NCOR2: variants seen among roughly 807,000 people sequenced by gnomAD.
NCOR2 encodes CTG repeat protein 26.
Under a neutral mutation model 262.9 loss-of-function variants are expected in NCOR2, and 81 were observed. The observed-to-expected ratio is 0.31, with a 90% CI of 0.26 to 0.37. The LOEUF (loss-of-function observed/expected upper bound fraction) is 0.37, where lower values mean the gene tolerates loss of function less well. NCOR2 is among the 10% of genes least tolerant of loss of function. NCOR2 has a pLI of 1.00. For synonymous variants in NCOR2, 1,659 were observed against 1,559.3 expected, an observed-to-expected ratio of 1.06 and a Z score of -1.51; for missense variants, 3,385 against 3,621.4, an observed-to-expected ratio of 0.93 and a Z score of 1.68.
chr12:124,356,852 A>C (rs1471023540), intron 22 of NCOR2, 70 bp from the exon 25 acceptor site: 1 of 1,404,096 alleles, frequency 7.1e-7, no homozygotes, highest in Non-Finnish European at 9.3e-7. Context: ...GCCCTGGCTG[A>C]CCCTACACAA....
intron 1 of NCOR2, among the ~76,000 whole-genome samples, chr12:124,488,661 A>G (rs761350555): frequency 6.6e-6 from 1 of 152,206 alleles, no homozygotes; most frequent in Non-Finnish European, 1.5e-5. Context: ...TGGGCTGACA[A>G]TGACGCAGCT....
chr12:124,367,348 T>C (rs921434691), intron 20 of NCOR2, among the ~76,000 whole-genome samples: 13 of 152,226 alleles, frequency 8.5e-5, no homozygotes, highest in African/African-American at 3.1e-4. Context: ...GGTACCACTT[T>C]ATAGTTTACA....
At chr12:124,567,609 T>TGGCGGCGGCGGCGGCGGC (rs574345580), upstream of NCOR2, 5 of 143,938 alleles carry the variant, frequency 3.5e-5, no homozygotes, top group Admixed American at 6.8e-5. Flanking sequence ...GCGGCGGCGG[T>TGGCGGCGGCGGCGGCGGC]GGCGGCGGCG....
At chr12:124,336,717 C>CGTCTAT in intron 38 of NCOR2, 36 bp downstream of exon 40, 2 of 1,607,192 alleles carry the variant, frequency 1.2e-6, no homozygotes, top group Non-Finnish European at 1.7e-6. Context: ...ATGATAATCG[C>CGTCTAT]GTCTATGAAG....
chr12:124,394,067 C>T (rs994980751), intron 16 of NCOR2, among the ~76,000 whole-genome samples: 11 of 152,240 alleles, frequency 7.2e-5, no homozygotes, highest in Admixed American at 7.2e-4. Context: ...GGGCCGAGGC[C>T]CCAAAGTGTA....
Position 124,332,310 on chromosome 12 carries a change from G to T in NCOR2, c.6904+9C>A. The T allele has an allele frequency of 1.9e-6, 3 of 1,613,934 alleles. No individual in the cohort carries two copies. The highest frequency in any genetic ancestry group is 1.1e-5 in the South Asian group (1 of 91,084). ...CCCATGCTTCCCCGGGAGCCTGCAGGCCCCTTACTGTATTCAGGCTCATTC... is the reference window on the plus strand; with the variant it reads ...CCCATGCTTCCCCGGGAGCCTGCAGTCCCCTTACTGTATTCAGGCTCATTC... On this transcript the variant is annotated intron_variant, in intron 43 of 46. Coordinates refer to ENST00000405201, the Ensembl canonical transcript of NCOR2.
intron 22 of NCOR2, 172 bp from the exon 25 acceptor site, chr12:124,356,954 G>T: frequency 1.3e-6 from 1 of 747,996 alleles, no homozygotes; most frequent in Non-Finnish European, 1.9e-6. Context: ...GCGCTGCTCT[G>T]TAACCCCATG....
chr12:124,369,217 G>A lies in NCOR2; in HGVS notation c.2807+2805C>T, dbSNP rs138884317. Among the ~76,000 whole-genome samples, 261 of 152,326 alleles carry A rather than the reference G, an allele frequency of 1.7e-3. 8 individuals are homozygous for A. The East Asian group carries it at 0.035, about 21-fold the overall frequency. Reference sequence around the variant, plus strand: ...CTGAAGAGTAAGAGAGGGGAAGGCAGGCAGGCTCGGGGTTTTGCAATTGAA... The same window carrying A: ...CTGAAGAGTAAGAGAGGGGAAGGCAAGCAGGCTCGGGGTTTTGCAATTGAA... On this transcript the variant is annotated intron_variant, in intron 20 of 46. Transcript: ENST00000405201.
intron 3 of NCOR2, among the ~76,000 whole-genome samples, chr12:124,474,465 C>T (rs1219872661): frequency 6.6e-6 from 1 of 152,158 alleles, no homozygotes; most frequent in African/African-American, 2.4e-5. Flanking sequence ...TTCAGTTATC[C>T]ATGGACGCCT....
intron 2 of NCOR2, among the ~76,000 whole-genome samples, chr12:124,486,017 A>AC (rs923565561): frequency 8.6e-6 from 1 of 116,534 alleles, no homozygotes; most frequent in Non-Finnish European, 1.7e-5. Flanking sequence ...TTCCCTTCCC[A>AC]CCTGGATCAA....
exon 20 of NCOR2, chr12:124,372,195 C>A: frequency 6.2e-7 from 1 of 1,601,882 alleles, no homozygotes; most frequent in Middle Eastern, 1.7e-4. Context: ...CCTCCGCGTC[C>A]TTGCCCTTGG....
At chr12:124,400,928 G>C (rs2041956696) in intron 14 of NCOR2, among the ~76,000 whole-genome samples, 1 of 152,208 alleles carries the variant, frequency 6.6e-6, no homozygotes, top group African/African-American at 2.4e-5. Flanking sequence ...GTTGCGGCCA[G>C]GTGTGCTGGG....
rs1279188643 is a variant in NCOR2 at position 124,482,007 on chromosome 12, G to T, written c.411+1589C>A. ...TAGGGCAGAGGTGTCAGGATTTGCT[G>T]ATGGACTGGAAGTACGCAGGAGAGC... is the stretch of plus-strand genomic sequence containing the variant. On this transcript the variant is annotated intron_variant, in intron 3 of 46. Transcript: ENST00000405201. This position sits in a 1 kb window ranked among gnomAD's most constrained non-coding sequence, Gnocchi z 6.3. 1.3e-5 allele frequency among the ~76,000 whole-genome samples: 2 copies of T among 152,158 alleles called. No individual in the cohort carries two copies. The highest frequency in any genetic ancestry group is 2.9e-5 in the Non-Finnish European group (2 of 68,014).
chr12:124,380,980 T>G (rs1232507819), intron 17 of NCOR2, among the ~76,000 whole-genome samples: 1 of 152,166 alleles, frequency 6.6e-6, no homozygotes, highest in East Asian at 1.9e-4. Flanking sequence ...TGACGTTTAT[T>G]AAGCACCTAC....
Position 124,378,107 on chromosome 12 carries a change from C to G in NCOR2, c.2167+130G>C. 6.7e-7 allele frequency: 1 copy of G among 1,498,940 alleles called. No individual in the cohort carries two copies. The allele number at this position is 1,498,940 out of a possible 1,614,324, so 92.9% of individuals were successfully genotyped here. A position where few individuals can be genotyped will look rare whatever the true frequency, so the allele number is the denominator to read the frequency against. On this transcript the variant is annotated intron_variant, in intron 18 of 46. Coordinates refer to ENST00000405201, the Ensembl canonical transcript of NCOR2. The surrounding 1 kb of genome is among the most constrained non-coding windows in gnomAD (Gnocchi z 4.2). Reference sequence around the variant, plus strand: ...GTCAGGCCCGCACCTTCCAGGGAGTCGAGGCCCCTTCTAAGGAGGACCCAG... The same window carrying G: ...GTCAGGCCCGCACCTTCCAGGGAGTGGAGGCCCCTTCTAAGGAGGACCCAG...
chr12:124,354,603 C>G, intron 25 of NCOR2, 21 bp from the exon 28 acceptor site: 3 of 1,522,802 alleles, frequency 2.0e-6, no homozygotes, highest in Non-Finnish European at 2.6e-6. Context: ...GTAAGAGGAG[C>G]GAGTCACGTG....
intron 22 of NCOR2, among the ~76,000 whole-genome samples, chr12:124,358,719 G>C (rs1566392519): frequency 6.6e-6 from 1 of 152,234 alleles, no homozygotes; most frequent in South Asian, 2.1e-4. Context: ...GCGGTTGTGC[G>C]CTGGCTGGCT....
At chr12:124,467,924 T>C (rs147171592) in intron 4 of NCOR2, among the ~76,000 whole-genome samples, 264 of 5,562 alleles carry the variant, frequency 0.047, 28 homozygotes, top group African/African-American at 0.15. Context: ...CCCTCATCCT[T>C]ATCACCCCCC....
chr12:124,478,151 CG>C (rs1230506243), intron 3 of NCOR2, among the ~76,000 whole-genome samples: 1 of 152,108 alleles, frequency 6.6e-6, no homozygotes, highest in Non-Finnish European at 1.5e-5. Context: ...CTGGAGTCAC[CG>C]GCTTCCTTCC....
Sources: allele counts gnomAD v4.1 joint callset (sites outside exome capture counted in the v4.1 genomes callset), GRCh38; gene constraint gnomAD v4.1.1; non-coding constraint Gnocchi (gnomAD v3.1); transcripts MANE v1.5; gene names NCBI Gene and HGNC (gene_info 2026-07-23, HGNC 2026-07-21).